The following SNX13 variants were observed in gnomAD, a reference collection of about 807,000 sequenced individuals.
SNX13 encodes sorting nexin 13.
In SNX13, 45 loss-of-function variants were observed where a neutral mutation model predicts 133.6. That is an observed-to-expected ratio of 0.34 (90% CI 0.27 to 0.43). The LOEUF is 0.43. Among genes scored for constraint, SNX13 ranks in the 20% least tolerant of loss-of-function variants. The probability of loss-of-function intolerance (pLI) is 1.00; values close to 1 mark genes in which losing one functional copy is unlikely to be tolerated. For missense variants in SNX13, 1,032 were observed against 1,145.1 expected (o/e 0.90, Z 1.43); for synonymous variants, 414 against 373.9 (o/e 1.11, Z -1.24).
chr7:17,886,467 C>T (rs528007132), intron 5 of SNX13, among the ~76,000 whole-genome samples: 1 of 152,120 alleles, frequency 6.6e-6, no homozygotes, highest in African/African-American at 2.4e-5. Flanking sequence ...ACTAAGGAGG[C>T]TGGGGCAGAA....
At chr7:17,825,146 G>C (rs1410324441) in intron 17 of SNX13, among the ~76,000 whole-genome samples, 1 of 152,098 alleles carries the variant, frequency 6.6e-6, no homozygotes, top group African/African-American at 2.4e-5. Flanking sequence ...TTTTCTTCCA[G>C]AAATCTGGCA....
chr7:17,818,778 A>T (rs1786957627), intron 18 of SNX13, among the ~76,000 whole-genome samples: 1 of 152,216 alleles, frequency 6.6e-6, no homozygotes, highest in African/African-American at 2.4e-5. Flanking sequence ...TTAAAAACAC[A>T]AGTTTAGATT....
At chr7:17,831,714 T>G (rs1228225162) in intron 15 of SNX13, 1 of 983,946 alleles carries the variant, frequency 1.0e-6, no homozygotes, top group Non-Finnish European at 1.2e-6. Context: ...GTGGTCAAAA[T>G]TTCAGAATAT....
intron 4 of SNX13, among the ~76,000 whole-genome samples, chr7:17,890,979 A>G (rs906152887): frequency 1.3e-5 from 2 of 151,958 alleles, no homozygotes; most frequent in Non-Finnish European, 1.5e-5. Context: ...TACTGCCAAC[A>G]GTATTCAGAC....
chr7:17,835,821 G>A (rs1046211734), intron 13 of SNX13, among the ~76,000 whole-genome samples: 1 of 151,956 alleles, frequency 6.6e-6, no homozygotes, highest in South Asian at 2.1e-4. Flanking sequence ...TCAATTTGAC[G>A]CTTTTGTTAG....
chr7:17,895,000 A>T (rs1797052267), intron 2 of SNX13, among the ~76,000 whole-genome samples: 2 of 152,180 alleles, frequency 1.3e-5, no homozygotes, highest in South Asian at 4.1e-4. Flanking sequence ...AATGTCATCT[A>T]TCTGTGTTAT....
At chr7:17,805,211 T>TTGTGTG (rs55946438) in intron 20 of SNX13, among the ~76,000 whole-genome samples, 13,111 of 117,974 alleles carry the variant, frequency 0.11, 807 homozygotes, top group Non-Finnish European at 0.12. Flanking sequence ...TAATGATTCT[T>TTGTGTG]TGTGTGTGTG....
intron 1 of SNX13, among the ~76,000 whole-genome samples, chr7:17,924,379 T>C (rs573452576): frequency 5.9e-5 from 9 of 152,190 alleles, no homozygotes; most frequent in Non-Finnish European, 1.2e-4. Context: ...GATATACACA[T>C]GAAAAGGTGC....
At position 17,792,970 on chromosome 7, in the gene SNX13, T is replaced by G. The variant is rs1307073627; in HGVS notation, c.*1075A>C. The stretch of plus-strand genomic sequence containing the variant: ...TGTGAAATATAAATAAAAGCATATT[T>G]TTAAAAATATTATAGTTCTTTTTTC... On this transcript the variant is annotated 3_prime_UTR_variant, in exon 26 of 26. Coordinates refer to ENST00000428135, the MANE Select transcript of SNX13 (RefSeq NM_015132.5). The G allele has an allele frequency of 6.6e-6, 1 of 152,324 alleles. No individual in the cohort carries two copies. Among genetic ancestry groups the G allele is most frequent in the Non-Finnish European group, 1.5e-5 (1 of 67,868 alleles). 9.4% of individuals were successfully genotyped at this position (152,324 alleles called of 1,614,324 possible). A position where few individuals can be genotyped will look rare whatever the true frequency, so the allele number is the denominator to read the frequency against.
chr7:17,834,541 C>A (rs2128311872), intron 14 of SNX13, among the ~76,000 whole-genome samples: 1 of 151,884 alleles, frequency 6.6e-6, no homozygotes, highest in African/African-American at 2.4e-5. Context: ...GCCCTACAAT[C>A]AAATTCAAAT....
In SNX13 at chr7:17,793,111, C is replaced by G. The variant is rs1783710668; in HGVS notation, c.*934G>C. The G allele has an allele frequency of 6.6e-6, 1 of 152,198 alleles. No individual in the cohort carries two copies. The highest frequency in any genetic ancestry group is 1.5e-5 in the Non-Finnish European group (1 of 67,848). 9.4% of individuals were successfully genotyped at this position (152,198 alleles called of 1,614,324 possible). ...ATTTCTGCAGTTACCTAAGGCATGT[C>G]TAGATCACACAATTAAAAATTATCA... On this transcript the variant is annotated 3_prime_UTR_variant, in exon 26 of 26. Transcript: ENST00000428135.
chr7:17,927,784 A>G (rs1800926024), intron 1 of SNX13, among the ~76,000 whole-genome samples: 1 of 152,308 alleles, frequency 6.6e-6, no homozygotes, highest in South Asian at 2.1e-4. Flanking sequence ...TCATTACCTC[A>G]TACTAAAAAT....
intron 9 of SNX13, among the ~76,000 whole-genome samples, chr7:17,867,880 A>C (rs1325775059): frequency 6.6e-6 from 1 of 152,116 alleles, no homozygotes; most frequent in Non-Finnish European, 1.5e-5. Context: ...AGAAAAAAAA[A>C]TAGGGCTTGT....
In SNX13 at chr7:17,834,819, G is replaced by A. The variant is rs1788953023; in HGVS notation, c.1406C>T (p.Ala469Val). Residue 469 changes from alanine to valine, a missense_variant, in exon 14 of 26, where the codon GCA becomes GTA. Ala to Val is a moderately conservative substitution (Grantham distance 64, BLOSUM62 0). Transcript: ENST00000428135. The stretch of plus-strand genomic sequence containing the variant: ...TGGATCTTCATGATTCAAAGTATCT[G>A]CTAATTTTGCTACTAAATAGTCATC... ...TVDDYLVAKL[A>V]DTLNHEDPTP... is the part of the protein sequence containing the mutation. The A allele has an allele frequency of 6.2e-7, 1 of 1,609,790 alleles. No individual in the cohort carries two copies. The highest frequency in any genetic ancestry group is 1.3e-5 in the African/African-American group (1 of 74,688).
At position 17,870,877 on chromosome 7, in the gene SNX13, A is replaced by T. The variant is rs1421471072; in HGVS notation, c.754-2387T>A. Among the ~76,000 whole-genome samples the T allele has an allele frequency of 3.3e-5, 5 of 152,368 alleles. No homozygotes were observed. In the East Asian group the frequency reaches 9.6e-4, roughly 29 times the overall value. On this transcript the variant is annotated intron_variant, in intron 8 of 25. Coordinates refer to ENST00000428135, the MANE Select transcript of SNX13 (RefSeq NM_015132.5). ...AAAACAATTGGATACTATCCATAAT[A>T]ACAGGGAATTATGAGGGAGATATAG...
At chr7:17,816,879 T>TC (rs1213875784) in intron 18 of SNX13, among the ~76,000 whole-genome samples, 2 of 152,222 alleles carry the variant, frequency 1.3e-5, no homozygotes, top group Non-Finnish European at 2.9e-5. Flanking sequence ...TTTAATATTC[T>TC]CCCTAATATT....
Position 17,850,338 on chromosome 7 carries a change from T to C in SNX13, c.1065+9A>G, listed in dbSNP as rs1791063482. 6.4e-7 allele frequency: 1 copy of C among 1,569,798 alleles called. No homozygotes were observed. Among genetic ancestry groups the C allele is most frequent in the African/African-American group, 1.4e-5 (1 of 73,972 alleles). The stretch of plus-strand genomic sequence containing the variant: ...TAACTAAACGTTAATTCAAAACTAC[T>C]TTACTTACTTTGCCTGACTGCAATC... On this transcript the variant is annotated intron_variant, in intron 11 of 25. Coordinates refer to ENST00000428135, the MANE Select transcript of SNX13 (RefSeq NM_015132.5).
chr7:17,874,439 G>C (rs1025851409), intron 7 of SNX13, among the ~76,000 whole-genome samples: 1 of 152,122 alleles, frequency 6.6e-6, no homozygotes, highest in Admixed American at 6.5e-5. Flanking sequence ...GTTATGCACA[G>C]AATTCTGTCT....
rs10242951 is a variant in SNX13 at position 17,816,036 on chromosome 7, C to T, written c.1953+146G>A. 0.011 allele frequency: 8,274 copies of T among 783,842 alleles called. 444 individuals carry two copies. The African/African-American group carries it at 0.13, about 12-fold the overall frequency. 48.6% of individuals were successfully genotyped at this position (783,842 alleles called of 1,614,324 possible). A position where few individuals can be genotyped will look rare whatever the true frequency, so the allele number is the denominator to read the frequency against. On this transcript the variant is annotated intron_variant, in intron 19 of 25. Coordinates refer to ENST00000428135, the MANE Select transcript of SNX13 (RefSeq NM_015132.5). ...TTTACAAATTACTAAGCAGACTGCACGTCACATTTGACATGCTGCACAAAA... is the reference window on the plus strand; with the variant it reads ...TTTACAAATTACTAAGCAGACTGCATGTCACATTTGACATGCTGCACAAAA...
Sources: allele counts gnomAD v4.1 joint callset (sites outside exome capture counted in the v4.1 genomes callset), GRCh38; gene constraint gnomAD v4.1.1; transcripts MANE v1.5; gene names NCBI Gene and HGNC (gene_info 2026-07-23, HGNC 2026-07-21).